Variants in TCOF1 observed in about 807,000 individuals in gnomAD.
TCOF1 encodes the protein treacle ribosome biogenesis factor 1, also known as treacle protein.
Under a neutral mutation model 149.0 loss-of-function variants are expected in TCOF1, and 33 were observed. The observed-to-expected ratio is 0.22, with a 90% confidence interval of 0.17 to 0.30. The LOEUF is 0.30. Among genes scored for constraint, TCOF1 ranks in the 10% least tolerant of loss-of-function variants. TCOF1 has a pLI of 1.00. For synonymous variants in TCOF1, 789 were observed against 738.8 expected, an observed-to-expected ratio of 1.07 and a Z score of -1.10; for missense variants, 1,728 against 1,840.7, an observed-to-expected ratio of 0.94 and a Z score of 1.12.
At chr5:150,367,815 C>T (rs763186969) in intron 3 of TCOF1, 29 bp from the exon 4 acceptor site, 3 of 1,613,014 alleles carry the variant, frequency 1.9e-6, no homozygotes, top group Non-Finnish European at 2.5e-6. Context: ...GCTCATCTGG[C>T]TCCTTTAGCA....
intron 11 of TCOF1, 61 bp downstream of exon 11, chr5:150,375,615 T>C: frequency 1.9e-6 from 3 of 1,612,580 alleles, no homozygotes; most frequent in Non-Finnish European, 2.5e-6. Flanking sequence ...GAGCTGCCTG[T>C]GGCCTCCCAA....
At position 150,375,140 on chromosome 5, in the gene TCOF1, C is replaced by T; in HGVS notation, c.1465C>T (p.Leu489=). ...SEESDSDREA[L]AAMNAAQVKP... ...GGAGTCAGACAGTGACAGAGAGGCA[C>T]TGGCAGCCATGAATGCAGCTCAGGT... The change falls in exon 10 of 27, where the codon CTG becomes TTG. Residue 489 remains leucine (L), a synonymous_variant. Transcript: ENST00000643257. 18 of 1,613,244 alleles carry T rather than the reference C, an allele frequency of 1.1e-5. No homozygotes were observed. Among genetic ancestry groups the T allele is most frequent in the Non-Finnish European group, 1.5e-5 (18 of 1,179,742 alleles).
rs114293586 is a variant in TCOF1, at chr5:150,397,652, C to T, written c.4346-702C>T. 5.0e-3 allele frequency among the ~76,000 whole-genome samples: 764 copies of T among 152,222 alleles called. 8 individuals are homozygous for T. Among genetic ancestry groups the T allele is most frequent in the African/African-American group, 0.018 (731 of 41,528 alleles). Reference sequence around the variant, plus strand: ...CTGGACGGTGGGTTGCCAGTGACGCCCGAAGAGCCAGCTCGTTCTGGAACA... The same window carrying T: ...CTGGACGGTGGGTTGCCAGTGACGCTCGAAGAGCCAGCTCGTTCTGGAACA... On this transcript the variant is annotated intron_variant, in intron 24 of 26. Transcript: ENST00000643257.
At chr5:150,365,735 T>G (rs1413261770) in intron 3 of TCOF1, among the ~76,000 whole-genome samples, 1 of 152,098 alleles carries the variant, frequency 6.6e-6, no homozygotes, top group Non-Finnish European at 1.5e-5. Flanking sequence ...ATATGAGGTC[T>G]TGCCATGTTG....
intron 14 of TCOF1, among the ~76,000 whole-genome samples, chr5:150,377,332 A>G (rs1764032572): frequency 6.6e-6 from 1 of 152,138 alleles, no homozygotes; most frequent in African/African-American, 2.4e-5. Flanking sequence ...TTGGGTGAGA[A>G]TTTAGGTGAG....
At chr5:150,387,429 CTG>C (rs1766508786) in intron 17 of TCOF1, among the ~76,000 whole-genome samples, 1 of 152,216 alleles carries the variant, frequency 6.6e-6, no homozygotes, top group African/African-American at 2.4e-5. Context: ...GGCAACTAGA[CTG>C]TAAATACCTC....
chr5:150,379,429 A>T (rs750040475), intron 16 of TCOF1, 21 bp downstream of exon 16: 2 of 1,613,776 alleles, frequency 1.2e-6, no homozygotes, highest in East Asian at 2.2e-5. Context: ...GGGAATGGAG[A>T]TCATCCCCTA....
chr5:150,359,360 A>G (rs1759477607), intron 1 of TCOF1, among the ~76,000 whole-genome samples: 1 of 151,588 alleles, frequency 6.6e-6, no homozygotes, highest in East Asian at 1.9e-4. Flanking sequence ...AAAAAAAAAA[A>G]CGTCCATAGT....
chr5:150,378,673 A>G lies in TCOF1; in HGVS notation c.2341-232A>G, dbSNP rs1764349837. The G allele has an allele frequency of 1.0e-5, 6 of 578,256 alleles. No homozygotes were observed. In the East Asian group the frequency reaches 1.8e-4, roughly 17 times the overall value. The allele number at this position is 578,256 out of a possible 1,614,324, so 35.8% of individuals were successfully genotyped here. A position where few individuals can be genotyped will look rare whatever the true frequency, so the allele number is the denominator to read the frequency against. Reference sequence around the variant, plus strand: ...TTCCAGACATCATGTTAAACTCTGAATCTCCTATTTAGTCTTCATCATAAC... The same window carrying G: ...TTCCAGACATCATGTTAAACTCTGAGTCTCCTATTTAGTCTTCATCATAAC... On this transcript the variant is annotated intron_variant, in intron 14 of 26. Transcript: ENST00000643257.
At chr5:150,383,654 C>A in intron 17 of TCOF1, 1 of 1,419,084 alleles carries the variant, frequency 7.0e-7, no homozygotes, top group Non-Finnish European at 9.7e-7. Context: ...GCAGTTTCCC[C>A]AAATTCTCAT....
intron 20 of TCOF1, 149 bp from the exon 21 acceptor site, chr5:150,391,808 T>A: frequency 8.6e-7 from 1 of 1,158,754 alleles, no homozygotes; most frequent in Non-Finnish European, 1.3e-6. Flanking sequence ...AAGAAGGAAT[T>A]ACAGTACCTT....
In TCOF1 at chr5:150,379,577, C is replaced by T. The variant is rs754498260; in HGVS notation, c.2704C>T (p.Pro902Ser). ...CCACCAGATCAGAGCTGCCTTGGCT[C>T]CTGCCAAGGAGTCCCCCAGGAAAGG... is the stretch of plus-strand genomic sequence containing the variant. ...KTHQIRAALA[P>S]AKESPRKGAA... The change falls in exon 17 of 27, where the codon CCT (proline) becomes TCT (serine). Residue 902 changes from proline to serine, a missense_variant. This residue lies in a region of TCOF1 where 1,696 missense variants were observed against 1,765.4 expected (regional missense o/e 0.96). Coordinates refer to ENST00000643257, the MANE Select transcript of TCOF1 (RefSeq NM_001371623.1). The T allele has an allele frequency of 1.2e-6, 2 of 1,614,118 alleles. No homozygotes were observed. The highest frequency in any genetic ancestry group is 1.7e-5 in the Admixed American group (1 of 60,030).
chr5:150,385,863 C>G lies in TCOF1; in HGVS notation c.2860-2039C>G, dbSNP rs555781964. 2.8e-4 allele frequency among the ~76,000 whole-genome samples: 42 copies of G among 152,200 alleles called. 1 individual carries two copies. The South Asian group carries it at 7.0e-3, about 26-fold the overall frequency. On this transcript the variant is annotated intron_variant, in intron 17 of 26. Coordinates refer to ENST00000643257, the MANE Select transcript of TCOF1 (RefSeq NM_001371623.1). ...CCAGTGCTGGTTTTGCTGCTTCACT[C>G]CCATCAGTTTTTTTTCTAACTGACC...
chr5:150,385,311 T>A (rs1345815047), intron 17 of TCOF1, among the ~76,000 whole-genome samples: 1 of 152,200 alleles, frequency 6.6e-6, no homozygotes, highest in Non-Finnish European at 1.5e-5. Flanking sequence ...GCATAATTGG[T>A]TCTAGAAGGA....
intron 17 of TCOF1, among the ~76,000 whole-genome samples, chr5:150,385,300 A>T (rs1028377150): frequency 2.6e-5 from 4 of 152,230 alleles, no homozygotes; most frequent in Non-Finnish European, 5.9e-5. Context: ...ATTGAGGCCT[A>T]GCATAATTGG....
At chr5:150,383,288 C>T (rs746147512) in intron 17 of TCOF1, 2 of 829,326 alleles carry the variant, frequency 2.4e-6, no homozygotes, top group Non-Finnish European at 3.7e-6. Context: ...AACAGCACCT[C>T]ACAGCTTCCA....
Position 150,366,715 on chromosome 5 carries a change from C to T in TCOF1, c.305-1129C>T, listed in dbSNP as rs1181341934. Among the ~76,000 whole-genome samples, 3 of 67,468 alleles carry T rather than the reference C, an allele frequency of 4.4e-5. 1 individual carries two copies. Among genetic ancestry groups the T allele is most frequent in the Admixed American group, 1.3e-4 (1 of 7,748 alleles). The allele number at this position is 67,468 out of a possible 152,430, so 44.3% of individuals were successfully genotyped here. A position where few individuals can be genotyped will look rare whatever the true frequency, so the allele number is the denominator to read the frequency against. On this transcript the variant is annotated intron_variant, in intron 3 of 26. Coordinates refer to ENST00000643257, the MANE Select transcript of TCOF1 (RefSeq NM_001371623.1). ...CAGGTCGGACTGCGGACTGCAGTGGCGCAATCTCGGCTCACTGCAAGCTCC... is the reference window on the plus strand; with the variant it reads ...CAGGTCGGACTGCGGACTGCAGTGGTGCAATCTCGGCTCACTGCAAGCTCC...
chr5:150,379,146 C>A lies in TCOF1; in HGVS notation c.2479-83C>A, dbSNP rs1764462935. 11 of 1,613,896 alleles carry A rather than the reference C, an allele frequency of 6.8e-6. No individual in the cohort carries two copies. In the East Asian group the frequency reaches 2.2e-4, roughly 33 times the overall value. On this transcript the variant is annotated intron_variant, in intron 15 of 26. Transcript: ENST00000643257. ...AAGGTGCGTGCATGGGCAGGCCACC[C>A]ACCCAGAGTTGTGCCATAGTGGGGA...
In TCOF1 at chr5:150,368,479, TACCACTTAGTAAATA is replaced by T. The variant is rs759339422; in HGVS notation, c.379-234_379-220del. The T allele has an allele frequency of 4.9e-4, 276 of 567,088 alleles. 1 individual carries two copies. The highest frequency in any genetic ancestry group is 8.0e-4 in the Non-Finnish European group (255 of 316,864). The allele number at this position is 567,088 out of a possible 1,614,324, so 35.1% of individuals were successfully genotyped here. The stretch of plus-strand genomic sequence containing the variant: ...ATAAGATCAACAACAAACTGCTACT[TACCACTTAGTAAATA>T]ACTACCATGTCCCAAGAACTGGGAT... On this transcript the variant is annotated intron_variant, in intron 4 of 26. Transcript: ENST00000643257.
Sources: allele counts gnomAD v4.1 joint callset (sites outside exome capture counted in the v4.1 genomes callset), GRCh38; gene constraint gnomAD v4.1.1; regional missense constraint gnomAD v4.1.1; transcripts MANE v1.5; gene names NCBI Gene and HGNC (gene_info 2026-07-23, HGNC 2026-07-21).